PROM1: variants seen among roughly 807,000 people sequenced by gnomAD.
PROM1 encodes the protein prominin 1, also known as prominin-1.
PROM1 carries 105 observed loss-of-function variants against 116.9 expected under a neutral mutation model. The ratio of observed to expected loss-of-function variants is 0.90; its 90% CI spans 0.77 to 1.06. The LOEUF (loss-of-function observed/expected upper bound fraction) is 1.06, where lower values mean the gene tolerates loss of function less well. Ranked by LOEUF, PROM1 falls within the 50% of genes least tolerant of loss-of-function variation. PROM1 has a pLI of 0.00. For synonymous variants in PROM1, 393 were observed against 387.0 expected, an observed-to-expected ratio of 1.02 and a Z score of -0.18; for missense variants, 1,122 against 1,045.2, an observed-to-expected ratio of 1.07 and a Z score of -1.01.
At chr4:16,004,624 A>C (rs1046773037) in intron 13 of PROM1, among the ~76,000 whole-genome samples, 1 of 152,216 alleles carries the variant, frequency 6.6e-6, no homozygotes, top group Non-Finnish European at 1.5e-5. Context: ...ACTTAAAATC[A>C]ATTAAACATT....
At chr4:16,045,536 C>A (rs1204265974) in intron 2 of PROM1, among the ~76,000 whole-genome samples, 1 of 152,146 alleles carries the variant, frequency 6.6e-6, no homozygotes, top group Non-Finnish European at 1.5e-5. Context: ...ATACAACACA[C>A]CTTACCGAAT....
chr4:16,057,165 C>T (rs561103606), intron 2 of PROM1, among the ~76,000 whole-genome samples: 62 of 152,314 alleles, frequency 4.1e-4, no homozygotes, highest in African/African-American at 1.4e-3. Context: ...GGCAGGCATC[C>T]GGGTAGTCAG....
chr4:15,999,396 G>A lies in PROM1; in HGVS notation c.1579-908C>T, dbSNP rs187545502. Among the ~76,000 whole-genome samples the A allele has an allele frequency of 7.9e-5, 12 of 152,054 alleles. No homozygotes were observed. The South Asian group carries it at 8.3e-4, about 11-fold the overall frequency. ...TGAGGCAGGAGAATGGCATGAAACC[G>A]GGAGGCGGAGCTGGCAGTGAGCCTA... On this transcript the variant is annotated intron_variant, in intron 14 of 27. Transcript: ENST00000447510.
At chr4:16,005,357 C>T (rs1725151924) in intron 13 of PROM1, among the ~76,000 whole-genome samples, 1 of 152,096 alleles carries the variant, frequency 6.6e-6, no homozygotes, top group East Asian at 1.9e-4. Context: ...GTCATTAGCT[C>T]TAAGGTGATT....
chr4:16,068,703 T>G (rs1434591793), intron 2 of PROM1, among the ~76,000 whole-genome samples: 1 of 152,210 alleles, frequency 6.6e-6, no homozygotes, highest in African/African-American at 2.4e-5. Flanking sequence ...CTAAATTTGT[T>G]ATAATTTTGT....
intron 5 of PROM1, among the ~76,000 whole-genome samples, chr4:16,028,747 T>A (rs1731987980): frequency 2.0e-5 from 3 of 152,224 alleles, no homozygotes; most frequent in African/African-American, 7.2e-5. Context: ...GAAATCATAT[T>A]TCAGTGAATA....
At chr4:16,028,267 G>A (rs1166390830) in intron 5 of PROM1, among the ~76,000 whole-genome samples, 6 of 152,142 alleles carry the variant, frequency 3.9e-5, no homozygotes, top group African/African-American at 1.2e-4. Flanking sequence ...AAATTCTAAT[G>A]CCTGTGTAAG....
At chr4:15,992,127 C>T in intron 17 of PROM1, 121 bp downstream of exon 17, 1 of 1,336,304 alleles carries the variant, frequency 7.5e-7, no homozygotes, top group African/African-American at 1.5e-5. Context: ...GAATTGCTCA[C>T]TTTAAAATAG....
intron 20 of PROM1, among the ~76,000 whole-genome samples, chr4:15,987,354 G>A (rs1235382506): frequency 6.6e-6 from 1 of 152,330 alleles, no homozygotes; most frequent in East Asian, 1.9e-4. Context: ...AAGGCACTGA[G>A]GTTTGGGATT....
At chr4:16,008,829 G>T in intron 12 of PROM1, 120 bp downstream of exon 12, 2 of 948,986 alleles carry the variant, frequency 2.1e-6, no homozygotes, top group South Asian at 1.7e-5. Context: ...ACATATATCA[G>T]GTCATGGCCT....
At chr4:15,991,581 A>G (rs1720997645) in intron 17 of PROM1, among the ~76,000 whole-genome samples, 1 of 151,624 alleles carries the variant, frequency 6.6e-6, no homozygotes, top group African/African-American at 2.4e-5. Flanking sequence ...ACAAAAGATT[A>G]TGTGTTACGT....
chr4:16,065,181 G>A (rs1256700005), intron 2 of PROM1, among the ~76,000 whole-genome samples: 1 of 152,114 alleles, frequency 6.6e-6, no homozygotes, highest in Non-Finnish European at 1.5e-5. Context: ...CACCCTGACG[G>A]CATGACATTC....
intron 22 of PROM1, 79 bp from the exon 23 acceptor site, chr4:15,984,434 G>T: frequency 9.4e-7 from 1 of 1,063,808 alleles, no homozygotes; most frequent in South Asian, 1.9e-5. Context: ...ATTTACTTTT[G>T]ACTTGGTGTC....
chr4:16,056,795 C>T (rs916491199), intron 2 of PROM1, among the ~76,000 whole-genome samples: 1 of 152,158 alleles, frequency 6.6e-6, no homozygotes, highest in African/African-American at 2.4e-5. Flanking sequence ...CTAGCTATTA[C>T]AGGGGTTTGG....
Position 15,989,776 on chromosome 4 carries a change from T to C in PROM1, c.2032A>G (p.Lys678Glu). 3 of 1,610,294 alleles carry C rather than the reference T, an allele frequency of 1.9e-6. No homozygotes were observed. Among genetic ancestry groups the C allele is most frequent in the Non-Finnish European group, 2.5e-6 (3 of 1,177,928 alleles). Residue 678 changes from lysine (K) to glutamate (E), a missense_variant, in exon 19 of 28, where the codon AAA (lysine) becomes GAA (glutamate). Transcript: ENST00000447510. ...NSLKRDAQTIKTIHQQRVLPI... is the reference protein window; with the variant it reads ...NSLKRDAQTIETIHQQRVLPI... Reference sequence around the variant, plus strand: ...AGGACTCGTTGCTGGTGAATTGTTTTAATAGTTTGTGCATCTCTTTTCAGG... The same window carrying C: ...AGGACTCGTTGCTGGTGAATTGTTTCAATAGTTTGTGCATCTCTTTTCAGG...
At chr4:16,043,933 G>C (rs1735918327) in intron 2 of PROM1, among the ~76,000 whole-genome samples, 1 of 152,168 alleles carries the variant, frequency 6.6e-6, no homozygotes. Context: ...GGGCCTCTCT[G>C]TCTGTCTCCC....
At position 16,033,504 on chromosome 4, in the gene PROM1, G is replaced by C; in HGVS notation, c.309C>G (p.Val103=). Residue 103 remains valine, a synonymous_variant, in exon 5 of 28, where the codon GTC becomes GTG. Transcript: ENST00000447510. ...ATAGAATAATCCCTGCTTCATAGTA[G>C]ACAATCTGCAATTCAAACAAAAGAA... ...PETVILGLKI[V]YYEAGIILCC... is the part of the protein sequence containing the mutation. 2 of 1,569,120 alleles carry C rather than the reference G, an allele frequency of 1.3e-6. No homozygotes were observed. Among genetic ancestry groups the C allele is most frequent in the Non-Finnish European group, 8.7e-7 (1 of 1,154,118 alleles).
At chr4:15,981,477 C>T (rs1405929289) in intron 23 of PROM1, among the ~76,000 whole-genome samples, 1 of 151,684 alleles carries the variant, frequency 6.6e-6, no homozygotes, top group African/African-American at 2.4e-5. Context: ...GAGGCTGAGG[C>T]AGGAGAATCA....
At position 16,055,293 on chromosome 4, in the gene PROM1, A is replaced by G. The variant is rs189395065; in HGVS notation, c.221-16292T>C. ...CTTACGTCTACAGTTCCAGCTACTCAGGAGGCTGAGGCAGGAGGATCACTT... is the reference window on the plus strand; with the variant it reads ...CTTACGTCTACAGTTCCAGCTACTCGGGAGGCTGAGGCAGGAGGATCACTT... On this transcript the variant is annotated intron_variant, in intron 2 of 27. Transcript: ENST00000447510. 3.7e-4 allele frequency: 163 copies of G among 434,736 alleles called. 1 individual carries two copies. The highest frequency in any genetic ancestry group is 3.0e-3 in the African/African-American group (146 of 49,432). The allele number at this position is 434,736 out of a possible 1,614,324, so 26.9% of individuals were successfully genotyped here. A position where few individuals can be genotyped will look rare whatever the true frequency, so the allele number is the denominator to read the frequency against.
Sources: gnomAD v4.1 joint callset for allele counts (sites outside exome capture counted in the v4.1 genomes callset) on GRCh38, gnomAD v4.1.1 for gene constraint, MANE v1.5 for transcripts, NCBI Gene and HGNC (gene_info 2026-07-23, HGNC 2026-07-21) for gene names.